The following EMB variants were observed in gnomAD, a reference collection of about 807,000 sequenced individuals.
EMB encodes the protein embigin.
In EMB, 31 loss-of-function variants were observed where a neutral mutation model predicts 41.4. The ratio of observed to expected loss-of-function variants is 0.75; its 90% CI spans 0.56 to 1.01. The LOEUF is 1.01. Ranked by LOEUF, EMB falls within the 50% of genes least tolerant of loss-of-function variation. The pLI is 0.00. For missense variants in EMB, 379 were observed against 388.3 expected (o/e 0.98, Z 0.20); for synonymous variants, 137 against 140.4 (o/e 0.98, Z 0.17).
At chr5:50,415,654 A>C (rs1373926365) in intron 2 of EMB, among the ~76,000 whole-genome samples, 3 of 152,202 alleles carry the variant, frequency 2.0e-5, no homozygotes, top group Admixed American at 1.3e-4. Flanking sequence ...AAGAGAGGCT[A>C]TTTTGTCTAA....
intron 4 of EMB, among the ~76,000 whole-genome samples, chr5:50,407,408 T>C (rs1360166507): frequency 6.6e-6 from 1 of 151,978 alleles, no homozygotes; most frequent in Non-Finnish European, 1.5e-5. Flanking sequence ...CATGACTATG[T>C]TATTAAACCA....
intron 2 of EMB, among the ~76,000 whole-genome samples, chr5:50,422,434 T>C (rs1003597408): frequency 4.6e-5 from 7 of 152,230 alleles, no homozygotes; most frequent in Non-Finnish European, 7.3e-5. Flanking sequence ...TTAATAACTT[T>C]GTAAAACAAT....
chr5:50,417,500 T>A (rs1468969009), intron 2 of EMB, among the ~76,000 whole-genome samples: 1 of 152,208 alleles, frequency 6.6e-6, no homozygotes, highest in Admixed American at 6.5e-5. Flanking sequence ...TTACATGCCA[T>A]CTGATTAGTG....
At chr5:50,428,037 G>T (rs1745649062) in intron 2 of EMB, 107 bp downstream of exon 2, 2 of 719,302 alleles carry the variant, frequency 2.8e-6, no homozygotes, top group Non-Finnish European at 4.7e-6. Context: ...CACCAGGCCA[G>T]GAACAGGGAT....
At chr5:50,430,253 C>A (rs182918447) in intron 1 of EMB, among the ~76,000 whole-genome samples, 1 of 152,096 alleles carries the variant, frequency 6.6e-6, no homozygotes, top group Non-Finnish European at 1.5e-5. Flanking sequence ...GTGAAGCCTG[C>A]AAAACGTAAG....
rs1395519287 is a variant in EMB, at chr5:50,396,673, G to A, written c.*2600C>T. 6.6e-6 allele frequency: 1 copy of A among 152,108 alleles called. No homozygotes were observed. Among genetic ancestry groups the A allele is most frequent in the Non-Finnish European group, 1.5e-5 (1 of 68,014 alleles). 9.4% of individuals were successfully genotyped at this position (152,108 alleles called of 1,614,324 possible). A position where few individuals can be genotyped will look rare whatever the true frequency, so the allele number is the denominator to read the frequency against. ...GAATGCAATATTAAGAAATGGCAAA[G>A]GTGAGCCTACAGAGATTCCAAAGTT... On this transcript the variant is annotated 3_prime_UTR_variant, in exon 9 of 9. Coordinates refer to ENST00000303221, the MANE Select transcript of EMB (RefSeq NM_198449.3).
At chr5:50,426,333 A>G (rs1168163889) in intron 2 of EMB, among the ~76,000 whole-genome samples, 1 of 152,220 alleles carries the variant, frequency 6.6e-6, no homozygotes, top group Non-Finnish European at 1.5e-5. Context: ...TTGAGCTGTT[A>G]TAAGAATTAA....
intron 2 of EMB, among the ~76,000 whole-genome samples, chr5:50,420,271 T>C (rs1745496754): frequency 1.3e-5 from 2 of 152,218 alleles, no homozygotes; most frequent in African/African-American, 2.4e-5. Flanking sequence ...TAAGGGCTCA[T>C]AAATACCTAA....
In EMB at chr5:50,403,446, A is replaced by G. The variant is rs1745200203; in HGVS notation, c.609T>C (p.Val203=). Residue 203 remains valine, a synonymous_variant, in exon 6 of 9, where the codon GTT becomes GTC. Coordinates refer to ENST00000303221, the MANE Select transcript of EMB (RefSeq NM_198449.3). ...TCACATATTTATTCATTTGAACACC[A>G]ACAGGAACCTAATATGAGGAGACAT... ...YSSNGSVKVP[V]GVQMNKYVIN... is the part of the protein sequence containing the mutation. 1 of 1,611,864 alleles carries G rather than the reference A, an allele frequency of 6.2e-7. No individual in the cohort carries two copies. Among genetic ancestry groups the G allele is most frequent in the Non-Finnish European group, 8.5e-7 (1 of 1,178,684 alleles).
upstream of EMB, among the ~76,000 whole-genome samples, chr5:50,442,757 G>A (rs1329232459): frequency 6.6e-6 from 1 of 152,058 alleles, no homozygotes; most frequent in Non-Finnish European, 1.5e-5. Flanking sequence ...CCCTGCATCT[G>A]GTCTCAGGAC....
At chr5:50,418,050 A>AAT (rs1745458154) in intron 2 of EMB, among the ~76,000 whole-genome samples, 1 of 152,240 alleles carries the variant, frequency 6.6e-6, no homozygotes, top group South Asian at 2.1e-4. Flanking sequence ...AAACAAAAAC[A>AAT]ATTCTGTTTG....
chr5:50,424,487 T>A (rs1021324806), intron 2 of EMB, among the ~76,000 whole-genome samples: 3 of 152,130 alleles, frequency 2.0e-5, no homozygotes, highest in Non-Finnish European at 2.9e-5. Context: ...AAGAGACAGG[T>A]CCCACTTACA....
At chr5:50,431,144 G>GGTTCCACGGAAAAA (rs910214365) in intron 1 of EMB, among the ~76,000 whole-genome samples, 2 of 152,154 alleles carry the variant, frequency 1.3e-5, no homozygotes, top group African/African-American at 4.8e-5. Context: ...TCAAGCTTCA[G>GGTTCCACGGAAAAA]GTTCCACGGA....
chr5:50,416,200 T>G (rs916296872), intron 2 of EMB, among the ~76,000 whole-genome samples: 6 of 152,336 alleles, frequency 3.9e-5, no homozygotes, highest in Admixed American at 3.9e-4. Context: ...TTCAACTTCC[T>G]TAATACTGCA....
At position 50,428,483 on chromosome 5, in the gene EMB, G is replaced by A. The variant is rs1207166443; in HGVS notation, c.113-256C>T. 11 of 1,110,076 alleles carry A rather than the reference G, an allele frequency of 9.9e-6. No individual in the cohort carries two copies. In the South Asian group the frequency reaches 1.6e-4, roughly 16 times the overall value. The allele number at this position is 1,110,076 out of a possible 1,614,324, so 68.8% of individuals were successfully genotyped here. ...CATCAGATGGCTTTTTTTAAATAAC[G>A]CCTTCCATTTTTATTCTACTATTAT... is the stretch of plus-strand genomic sequence containing the variant. On this transcript the variant is annotated intron_variant, in intron 1 of 8. Transcript: ENST00000303221.
rs930604585 is a variant in EMB at position 50,415,065 on chromosome 5, C to G, written c.197-3682G>C. ...TCTAAATCTGGATATCCCATGAGAA[C>G]TTCAAACTCAAAATATCCAAGAGAT... On this transcript the variant is annotated intron_variant, in intron 2 of 8. Coordinates refer to ENST00000303221, the MANE Select transcript of EMB (RefSeq NM_198449.3). Among the ~76,000 whole-genome samples, 6 of 152,096 alleles carry G rather than the reference C, an allele frequency of 3.9e-5. 1 individual carries two copies. The highest frequency in any genetic ancestry group is 5.9e-5 in the Non-Finnish European group (4 of 68,022).
chr5:50,405,847 C>T lies in EMB; in HGVS notation c.478G>A (p.Glu160Lys). ...QRGTFNFKVP[E>K]LHGKNKPLIS... ...AATGGCTTGTTTTTCCCATGAAGTTCAGGGACTGAGAATAAAATAGAGAAA... is the reference window on the plus strand; with the variant it reads ...AATGGCTTGTTTTTCCCATGAAGTTTAGGGACTGAGAATAAAATAGAGAAA... Residue 160 changes from glutamate (E) to lysine (K), a missense_variant, in exon 5 of 9, where the codon GAA becomes AAA. Physicochemically the swap from Glu to Lys is moderately conservative, Grantham distance 56. Transcript: ENST00000303221. 6.3e-7 allele frequency: 1 copy of T among 1,581,954 alleles called. No individual in the cohort carries two copies. The highest frequency in any genetic ancestry group is 8.6e-7 in the Non-Finnish European group (1 of 1,168,048).
Position 50,441,254 on chromosome 5 carries a change from G to T in EMB, c.-103C>A. 1 of 600,890 alleles carries T rather than the reference G, an allele frequency of 1.7e-6. No individual in the cohort carries two copies. Among genetic ancestry groups the T allele is most frequent in the Non-Finnish European group, 2.5e-6 (1 of 406,942 alleles). The allele number at this position is 600,890 out of a possible 1,614,324, so 37.2% of individuals were successfully genotyped here. A position where few individuals can be genotyped will look rare whatever the true frequency, so the allele number is the denominator to read the frequency against. On this transcript the variant is annotated 5_prime_UTR_variant, in exon 1 of 9. Transcript: ENST00000303221. The stretch of plus-strand genomic sequence containing the variant: ...CACACTCGCAGGTGGCCCGGCGCTC[G>T]CAGCCAGTGCCGCGGGTAGGACGCT...
intron 1 of EMB, among the ~76,000 whole-genome samples, chr5:50,430,767 G>A (rs1344244644): frequency 6.6e-6 from 1 of 152,176 alleles, no homozygotes. Context: ...TATGAAGCCT[G>A]AGCCTGGAGG....
Sources: gnomAD v4.1 joint callset for allele counts (sites outside exome capture counted in the v4.1 genomes callset) on GRCh38, gnomAD v4.1.1 for gene constraint, MANE v1.5 for transcripts, NCBI Gene and HGNC (gene_info 2026-07-23, HGNC 2026-07-21) for gene names.